Variants in CPNE8 observed in about 807,000 individuals in gnomAD.
CPNE8 encodes the protein copine-8.
CPNE8 carries 45 observed loss-of-function variants against 81.5 expected under a neutral mutation model. The observed-to-expected ratio is 0.55, with a 90% CI of 0.44 to 0.71. CPNE8 has a LOEUF of 0.71. Ranked by LOEUF, CPNE8 falls within the 30% of genes least tolerant of loss-of-function variation. The pLI, the probability that CPNE8 is intolerant of heterozygous loss-of-function variation, is 0.00. For missense variants in CPNE8, 594 were observed against 672.1 expected (o/e 0.88, Z 1.28); for synonymous variants, 252 against 226.3 (o/e 1.11, Z -1.02).
rs149343586 is a variant in CPNE8 at position 38,703,630 on chromosome 12, G to A, written c.915-709C>T. Among the ~76,000 whole-genome samples, 7 of 152,168 alleles carry A rather than the reference G, an allele frequency of 4.6e-5. No individual in the cohort carries two copies. The East Asian group carries it at 9.7e-4, about 21-fold the overall frequency. On this transcript the variant is annotated intron_variant, in intron 13 of 19. Coordinates refer to ENST00000331366, the MANE Select transcript of CPNE8 (RefSeq NM_153634.3). ...AATCAGGCAAGAGAAAGAAATAAAA[G>A]GCATCCAAATGGGAAAATAAGTCAA...
chr12:38,689,812 C>T (rs1195835088), intron 15 of CPNE8, among the ~76,000 whole-genome samples: 3 of 152,184 alleles, frequency 2.0e-5, no homozygotes, highest in Non-Finnish European at 4.4e-5. Flanking sequence ...AATACCTCTA[C>T]CAGAGCTCCG....
At chr12:38,676,960 TAG>T (rs1362422096) in intron 17 of CPNE8, among the ~76,000 whole-genome samples, 2 of 150,176 alleles carry the variant, frequency 1.3e-5, no homozygotes, top group Non-Finnish European at 3.0e-5. Context: ...CTAGTAAACA[TAG>T]ATTTTATAGA....
intron 10 of CPNE8, among the ~76,000 whole-genome samples, chr12:38,738,741 T>C (rs1168706098): frequency 1.3e-5 from 2 of 152,130 alleles, no homozygotes; most frequent in Non-Finnish European, 2.9e-5. Flanking sequence ...TCGGTATTTA[T>C]GAAGTTCTCT....
chr12:38,695,644 C>G (rs1478590533), intron 14 of CPNE8, among the ~76,000 whole-genome samples: 1 of 152,134 alleles, frequency 6.6e-6, no homozygotes, highest in Non-Finnish European at 1.5e-5. Flanking sequence ...AATACCATTA[C>G]TAGACTAAAT....
rs201678434 is a variant in CPNE8, at chr12:38,902,315, GGAAAGAAAGAAAGAAA to G, written c.98+3106_98+3121del. On this transcript the variant is annotated intron_variant, in intron 1 of 19. Coordinates refer to ENST00000331366, the MANE Select transcript of CPNE8 (RefSeq NM_153634.3). Reference sequence around the variant, plus strand: ...GGAAGGAAAGGAAGGAAGGAAGGAAGGAAAGAAAGAAAGAAAGAAAGAAAGAAAGAAAGAAAGAAAG... The same window carrying G: ...GGAAGGAAAGGAAGGAAGGAAGGAAGGAAAGAAAGAAAGAAAGAAAGAAAG... Among the ~76,000 whole-genome samples the G allele has an allele frequency of 1.9e-3, 161 of 83,750 alleles. 1 individual carries two copies. The highest frequency in any genetic ancestry group is 0.017 in the East Asian group (48 of 2,752). 54.9% of individuals were successfully genotyped at this position (83,750 alleles called of 152,430 possible).
At chr12:38,793,213 G>A (rs1247707126) in intron 6 of CPNE8, among the ~76,000 whole-genome samples, 2 of 142,432 alleles carry the variant, frequency 1.4e-5, no homozygotes, top group African/African-American at 6.1e-5. Context: ...AATACTGTAT[G>A]TACTAGCCAG....
chr12:38,753,464 A>G (rs2136828706), intron 10 of CPNE8, among the ~76,000 whole-genome samples: 1 of 152,336 alleles, frequency 6.6e-6, no homozygotes, highest in East Asian at 1.9e-4. Flanking sequence ...TCAAATAAAA[A>G]GAAAGCAAGC....
At chr12:38,721,840 T>C (rs777207924) in intron 13 of CPNE8, among the ~76,000 whole-genome samples, 18 of 152,224 alleles carry the variant, frequency 1.2e-4, no homozygotes, top group Non-Finnish European at 2.1e-4. Flanking sequence ...GTGGTGCGTC[T>C]GGTCCAGCCA....
intron 6 of CPNE8, among the ~76,000 whole-genome samples, chr12:38,786,193 C>A (rs1942182604): frequency 1.3e-5 from 2 of 152,084 alleles, no homozygotes; most frequent in Non-Finnish European, 2.9e-5. Flanking sequence ...GACAAGCACA[C>A]ACTGAAAATA....
At position 38,823,061 on chromosome 12, in the gene CPNE8, C is replaced by T. The variant is rs116987107; in HGVS notation, c.407+6318G>A. Among the ~76,000 whole-genome samples, 365 of 152,236 alleles carry T rather than the reference C, an allele frequency of 2.4e-3. 1 individual carries two copies. Among genetic ancestry groups the T allele is most frequent in the Non-Finnish European group, 3.9e-3 (268 of 68,010 alleles). On this transcript the variant is annotated intron_variant, in intron 6 of 19. Coordinates refer to ENST00000331366, the MANE Select transcript of CPNE8 (RefSeq NM_153634.3). ...TATGCATTCTCCTATCCCTCTTCCTCCTCTTCCTTCTCACAGACATTTGAT... is the reference window on the plus strand; with the variant it reads ...TATGCATTCTCCTATCCCTCTTCCTTCTCTTCCTTCTCACAGACATTTGAT...
At chr12:38,844,449 T>C (rs184198225) in intron 4 of CPNE8, among the ~76,000 whole-genome samples, 1 of 152,292 alleles carries the variant, frequency 6.6e-6, no homozygotes. Flanking sequence ...TAAATAAATG[T>C]CAAAGTTTAT....
At chr12:38,740,034 A>G (rs1248975804) in intron 10 of CPNE8, among the ~76,000 whole-genome samples, 2 of 152,188 alleles carry the variant, frequency 1.3e-5, no homozygotes, top group East Asian at 3.9e-4. Flanking sequence ...CAATGTGTGA[A>G]GACTTAAATA....
At chr12:38,831,666 T>C (rs1943287699) in intron 5 of CPNE8, among the ~76,000 whole-genome samples, 2 of 152,230 alleles carry the variant, frequency 1.3e-5, no homozygotes, top group Non-Finnish European at 2.9e-5. Context: ...TAAACACCTT[T>C]CATAATGGCA....
chr12:38,679,889 A>G (rs2136653132), intron 16 of CPNE8, among the ~76,000 whole-genome samples: 1 of 151,918 alleles, frequency 6.6e-6, no homozygotes, highest in South Asian at 2.1e-4. Flanking sequence ...GCCACACCTC[A>G]ATACTTTTTC....
chr12:38,683,127 A>G (rs933781723), intron 16 of CPNE8, among the ~76,000 whole-genome samples: 10 of 152,186 alleles, frequency 6.6e-5, no homozygotes, highest in Admixed American at 5.9e-4. Context: ...CTAAAAAGTC[A>G]AACAGATCAG....
intron 3 of CPNE8, among the ~76,000 whole-genome samples, chr12:38,856,925 C>T (rs117073714): frequency 0.01 from 1,547 of 151,360 alleles, 9 homozygotes; most frequent in Non-Finnish European, 0.015. Flanking sequence ...ATTGTGACTG[C>T]ATGAGGTTTC....
intron 6 of CPNE8, among the ~76,000 whole-genome samples, chr12:38,787,484 AT>A (rs1204620694): frequency 7.0e-6 from 1 of 141,968 alleles, no homozygotes; most frequent in African/African-American, 2.7e-5. Context: ...AAGTGCTTCC[AT>A]TAAAAAAAAA....
intron 1 of CPNE8, among the ~76,000 whole-genome samples, chr12:38,882,751 C>A (rs1431425624): frequency 6.6e-6 from 1 of 152,186 alleles, no homozygotes; most frequent in Non-Finnish European, 1.5e-5. Context: ...ACATTCTGAC[C>A]CCTGGCTATG....
chr12:38,762,639 A>T (rs919061257), intron 8 of CPNE8, among the ~76,000 whole-genome samples: 1 of 152,208 alleles, frequency 6.6e-6, no homozygotes, highest in Admixed American at 6.5e-5. Context: ...ACAGTGTGTG[A>T]ACTTTTAGTC....
Sources: gnomAD v4.1 joint callset for allele counts (sites outside exome capture counted in the v4.1 genomes callset) on GRCh38, gnomAD v4.1.1 for gene constraint, MANE v1.5 for transcripts, NCBI Gene and HGNC (gene_info 2026-07-23, HGNC 2026-07-21) for gene names.